PCNX1: variants seen among roughly 807,000 people sequenced by gnomAD.
PCNX1 encodes pecanex 1.
In PCNX1, 78 loss-of-function variants were observed where a neutral mutation model predicts 242.2. The ratio of observed to expected loss-of-function variants is 0.32; its 90% CI spans 0.27 to 0.39. The LOEUF is 0.39. Ranked by LOEUF, PCNX1 falls within the 10% of genes least tolerant of loss-of-function variation. The pLI is 1.00. For synonymous variants in PCNX1, 1,024 were observed against 1,032.9 expected (o/e 0.99, Z 0.17); for missense variants, 2,581 against 2,856.5 (o/e 0.90, Z 2.20).
chr14:71,110,286 TC>T lies in PCNX1; in HGVS notation c.*352del. ...TTTCTAAACTATGATCTCATATTTT[TC>T]TAATTTCTTTGCCAAAAATAATTGC... On this transcript the variant is annotated 3_prime_UTR_variant, in exon 36 of 36. Coordinates refer to ENST00000304743, the MANE Select transcript of PCNX1 (RefSeq NM_014982.3). 3.1e-6 allele frequency: 1 copy of T among 318,568 alleles called. No individual in the cohort carries two copies. Among genetic ancestry groups the T allele is most frequent in the Non-Finnish European group, 6.1e-6 (1 of 164,218 alleles). 19.7% of individuals were successfully genotyped at this position (318,568 alleles called of 1,614,324 possible).
chr14:71,050,623 T>C lies in PCNX1; in HGVS notation c.4339-29T>C, dbSNP rs781335087. On this transcript the variant is annotated intron_variant, in intron 22 of 35. Coordinates refer to ENST00000304743, the MANE Select transcript of PCNX1 (RefSeq NM_014982.3). Reference sequence around the variant, plus strand: ...AATATCTGATAAGTTTTTTTTTTTTTACTGACAGCCATTCTTTTCCTCCTG... The same window carrying C: ...AATATCTGATAAGTTTTTTTTTTTTCACTGACAGCCATTCTTTTCCTCCTG... 10 of 1,538,812 alleles carry C rather than the reference T, an allele frequency of 6.5e-6. No individual in the cohort carries two copies. The Middle Eastern group carries it at 5.3e-4, about 81-fold the overall frequency.
In PCNX1 at chr14:71,112,644, A is replaced by G. The variant is rs2062774587; in HGVS notation, c.*2709A>G. ...TGCCTCACCCCTCACCCCCCAGAGAATAGTGAGTGACTCGTTTAGATTCTC... is the reference window on the plus strand; with the variant it reads ...TGCCTCACCCCTCACCCCCCAGAGAGTAGTGAGTGACTCGTTTAGATTCTC... On this transcript the variant is annotated 3_prime_UTR_variant, in exon 36 of 36. Coordinates refer to ENST00000304743, the MANE Select transcript of PCNX1 (RefSeq NM_014982.3). 6.6e-6 allele frequency: 1 copy of G among 152,126 alleles called. No homozygotes were observed. Among genetic ancestry groups the G allele is most frequent in the Non-Finnish European group, 1.5e-5 (1 of 67,952 alleles). 9.4% of individuals were successfully genotyped at this position (152,126 alleles called of 1,614,324 possible).
chr14:70,994,868 A>C (rs1240179037), intron 7 of PCNX1, among the ~76,000 whole-genome samples: 4 of 127,726 alleles, frequency 3.1e-5, no homozygotes, highest in African/African-American at 1.2e-4. Flanking sequence ...TAAAATTTCT[A>C]ATAAATAATT....
intron 24 of PCNX1, among the ~76,000 whole-genome samples, chr14:71,052,760 T>G (rs2061074661): frequency 6.6e-6 from 1 of 152,206 alleles, no homozygotes; most frequent in African/African-American, 2.4e-5. Context: ...TGACCATCTT[T>G]GTGCATGAAG....
At chr14:70,967,597 C>T (rs2058418243) in intron 3 of PCNX1, among the ~76,000 whole-genome samples, 3 of 152,102 alleles carry the variant, frequency 2.0e-5, no homozygotes, top group South Asian at 2.1e-4. Context: ...TAATTTTCTC[C>T]TTATAGTTTG....
chr14:71,099,688 G>A (rs960418471), intron 30 of PCNX1, among the ~76,000 whole-genome samples: 1 of 152,100 alleles, frequency 6.6e-6, no homozygotes, highest in Non-Finnish European at 1.5e-5. Flanking sequence ...TTGAAGTCCC[G>A]TACTATTACT....
chr14:70,995,284 T>G (rs945798645), intron 7 of PCNX1, among the ~76,000 whole-genome samples: 7 of 152,232 alleles, frequency 4.6e-5, no homozygotes, highest in African/African-American at 1.7e-4. Flanking sequence ...TAAACTTGTT[T>G]TATTGTGAGT....
At chr14:71,103,777 T>C in intron 32 of PCNX1, 108 bp downstream of exon 32, 1 of 926,976 alleles carries the variant, frequency 1.1e-6, no homozygotes, top group Non-Finnish European at 1.7e-6. Context: ...GGTGCCATGG[T>C]ACAATATGAA....
chr14:70,934,145 G>T (rs1483753059), intron 1 of PCNX1, among the ~76,000 whole-genome samples: 2 of 152,182 alleles, frequency 1.3e-5, no homozygotes. Flanking sequence ...AATAATTCTG[G>T]TATGACCATT....
At position 70,956,992 on chromosome 14, in the gene PCNX1, A is replaced by ATATTAT. The variant is rs5809504; in HGVS notation, c.363-5220_363-5215dup. Among the ~76,000 whole-genome samples, 1,496 of 149,810 alleles carry ATATTAT rather than the reference A, an allele frequency of 1.0e-2. 10 individuals are homozygous for ATATTAT. Among genetic ancestry groups the ATATTAT allele is most frequent in the South Asian group, 0.02 (93 of 4,726 alleles). On this transcript the variant is annotated intron_variant, in intron 2 of 35. Coordinates refer to ENST00000304743, the MANE Select transcript of PCNX1 (RefSeq NM_014982.3). ...TACTGAGTAAATATTTGTTTTTATT[A>ATATTAT]TATTATTATTATTATTATTTTGAGA...
At chr14:70,917,671 C>G (rs903501171) in intron 1 of PCNX1, among the ~76,000 whole-genome samples, 4 of 152,160 alleles carry the variant, frequency 2.6e-5, no homozygotes, top group African/African-American at 9.7e-5. Flanking sequence ...TGGAATAATT[C>G]TTAAGGGCTC....
chr14:70,911,974 G>A (rs1566811318), intron 1 of PCNX1, among the ~76,000 whole-genome samples: 1 of 152,040 alleles, frequency 6.6e-6, no homozygotes, highest in Non-Finnish European at 1.5e-5. Flanking sequence ...GGCTGGGCGC[G>A]GTGGCTCACG....
Position 70,938,758 on chromosome 14 carries a change from C to T in PCNX1, c.154-8157C>T, listed in dbSNP as rs185122831. Among the ~76,000 whole-genome samples, 131 of 152,262 alleles carry T rather than the reference C, an allele frequency of 8.6e-4. 2 individuals carry two copies. The highest frequency in any genetic ancestry group is 3.1e-3 in the African/African-American group (128 of 41,548). On this transcript the variant is annotated intron_variant, in intron 1 of 35. Transcript: ENST00000304743. ...AATTTGGCTGTGAATCCCTTTGGTC[C>T]TGGACTTTTTTTGGTTGGTAGGCTA...
Position 71,051,985 on chromosome 14 carries a change from C to T in PCNX1, c.4550C>T (p.Pro1517Leu), listed in dbSNP as rs772055904. The change falls in exon 24 of 36, where the codon CCT becomes CTT. Residue 1517 changes from proline to leucine, a missense_variant. Pro to Leu is a moderately conservative substitution (Grantham distance 98). This residue lies in a region of PCNX1 where 99 missense variants were observed against 147.3 expected (regional missense o/e 0.67). Transcript: ENST00000304743. Reference sequence around the variant, plus strand: ...ATATTCATCACTTCATATGTCCGACCTGTGAAATTCTGGGAGAGAGACTAT... The same window carrying T: ...ATATTCATCACTTCATATGTCCGACTTGTGAAATTCTGGGAGAGAGACTAT... ...SAIFITSYVR[P>L]VKFWERDYNT... The T allele has an allele frequency of 3.1e-6, 5 of 1,613,074 alleles. No individual in the cohort carries two copies. Among genetic ancestry groups the T allele is most frequent in the Non-Finnish European group, 4.2e-6 (5 of 1,179,372 alleles).
rs889048748 is a variant in PCNX1 at position 71,112,163 on chromosome 14, C to A, written c.*2228C>A. 2.6e-5 allele frequency: 4 copies of A among 152,168 alleles called. No homozygotes were observed. The highest frequency in any genetic ancestry group is 4.1e-4 in the South Asian group (2 of 4,824). The allele number at this position is 152,168 out of a possible 1,614,324, so 9.4% of individuals were successfully genotyped here. ...CTTAGATGGAAGATAATTCATTTTC[C>A]CACACAGAAAAAAAATCTGACCTTT... is the stretch of plus-strand genomic sequence containing the variant. On this transcript the variant is annotated 3_prime_UTR_variant, in exon 36 of 36. Coordinates refer to ENST00000304743, the MANE Select transcript of PCNX1 (RefSeq NM_014982.3).
chr14:71,067,055 T>C (rs143177100), intron 26 of PCNX1, among the ~76,000 whole-genome samples: 274 of 152,236 alleles, frequency 1.8e-3, no homozygotes, highest in African/African-American at 6.3e-3. Flanking sequence ...ATCAGGTATA[T>C]TGGCCTGAAA....
rs1319253856 is a variant in PCNX1 at position 70,995,729 on chromosome 14, G to A, written c.2445-12G>A. 1 of 1,612,430 alleles carries A rather than the reference G, an allele frequency of 6.2e-7. No homozygotes were observed. Among genetic ancestry groups the A allele is most frequent in the Non-Finnish European group, 8.5e-7 (1 of 1,178,792 alleles). Reference sequence around the variant, plus strand: ...TCCCTGTAATGTCTCCCCAATCCATGTTTTTTCCTAGCCTTCAAGATGGTC... The same window carrying A: ...TCCCTGTAATGTCTCCCCAATCCATATTTTTTCCTAGCCTTCAAGATGGTC... On this transcript the variant is annotated splice_polypyrimidine_tract_variant and intron_variant, in intron 7 of 35. Coordinates refer to ENST00000304743, the MANE Select transcript of PCNX1 (RefSeq NM_014982.3).
rs1566648238 is a variant in PCNX1 at position 70,977,669 on chromosome 14, C to T, written c.1332C>T (p.Ala444=). The T allele has an allele frequency of 2.5e-6, 4 of 1,614,016 alleles. No homozygotes were observed. The highest frequency in any genetic ancestry group is 2.5e-6 in the Non-Finnish European group (3 of 1,180,008). ...GCCCAGAGGAGAAGAATAGCTGTGCCAGTGACAAAAGGACTAGCAGTGAAA... is the reference window on the plus strand; with the variant it reads ...GCCCAGAGGAGAAGAATAGCTGTGCTAGTGACAAAAGGACTAGCAGTGAAA... The part of the protein sequence containing the change: ...CAGPEEKNSC[A]SDKRTSSEKI... The change falls in exon 6 of 36, where the codon GCC becomes GCT. Residue 444 remains alanine, a synonymous_variant. Coordinates refer to ENST00000304743, the MANE Select transcript of PCNX1 (RefSeq NM_014982.3).
intron 26 of PCNX1, 81 bp downstream of exon 26, chr14:71,057,805 A>G: frequency 1.1e-6 from 1 of 944,064 alleles, no homozygotes. Context: ...TCAAACCAGA[A>G]GTTGTCATAG....
Sources: allele counts gnomAD v4.1 joint callset (sites outside exome capture counted in the v4.1 genomes callset), GRCh38; gene constraint gnomAD v4.1.1; regional missense constraint gnomAD v4.1.1; transcripts MANE v1.5; gene names NCBI Gene and HGNC (gene_info 2026-07-23, HGNC 2026-07-21).